The following SLIT1 variants were observed in gnomAD, a reference collection of about 807,000 sequenced individuals.
SLIT1 encodes the protein slit guidance ligand 1.
SLIT1 carries 66 observed loss-of-function variants against 186.1 expected under a neutral mutation model. The ratio of observed to expected loss-of-function variants is 0.35; its 90% CI spans 0.29 to 0.44. The LOEUF is 0.44. SLIT1 is among the 20% of genes least tolerant of loss of function. SLIT1 has a pLI of 1.00. For missense variants in SLIT1, 1,638 were observed against 2,037.4 expected (o/e 0.80, Z 3.77); for synonymous variants, 761 against 833.8 (o/e 0.91, Z 1.50).
At chr10:97,063,718 G>T in intron 7 of SLIT1, 100 bp from the exon 8 acceptor site, 1 of 1,301,026 alleles carries the variant, frequency 7.7e-7, no homozygotes, top group Non-Finnish European at 1.0e-6. Flanking sequence ...CCGGTGCTGT[G>T]TTCAAGCCAA....
In SLIT1 at chr10:97,095,134, T is replaced by G. The variant is rs538575267; in HGVS notation, c.414-29048A>C. Among the ~76,000 whole-genome samples, 6 of 152,198 alleles carry G rather than the reference T, an allele frequency of 3.9e-5. No homozygotes were observed. In the East Asian group the frequency reaches 1.2e-3, roughly 29 times the overall value. ...CCCGTCTCTACTGAAAATACAAAAG[T>G]TAGTCAGGCATGGTAGTGGGCACCT... is the stretch of plus-strand genomic sequence containing the variant. On this transcript the variant is annotated intron_variant, in intron 4 of 36. Transcript: ENST00000266058.
At chr10:97,162,671 C>T (rs1257703191) in intron 3 of SLIT1, among the ~76,000 whole-genome samples, 1 of 152,024 alleles carries the variant, frequency 6.6e-6, no homozygotes, top group East Asian at 1.9e-4. Flanking sequence ...TTAGCCATGT[C>T]TCTGATTATT....
At chr10:97,059,612 G>T in intron 10 of SLIT1, 81 bp from the exon 11 acceptor site, 1 of 1,001,230 alleles carries the variant, frequency 1.0e-6, no homozygotes, top group Non-Finnish European at 1.6e-6. Context: ...CCACCTCCTA[G>T]ATGTCACAGG....
In SLIT1 at chr10:97,022,403, ATTAAATGCCACC is replaced by A. The variant is rs1848509755; in HGVS notation, c.2583-1002_2583-991del. Among the ~76,000 whole-genome samples, 1 of 151,850 alleles carries A rather than the reference ATTAAATGCCACC, an allele frequency of 6.6e-6. No homozygotes were observed. Among genetic ancestry groups the A allele is most frequent in the Admixed American group, 6.6e-5 (1 of 15,260 alleles). On this transcript the variant is annotated intron_variant, in intron 25 of 36. Coordinates refer to ENST00000266058, the MANE Select transcript of SLIT1 (RefSeq NM_003061.3). This position sits in a 1 kb window ranked among gnomAD's most constrained non-coding sequence, Gnocchi z 4.2. The stretch of plus-strand genomic sequence containing the variant: ...TCTGCCCTGCACAACACTGTGAATG[ATTAAATGCCACC>A]GAGTTGCACACTTTTTAAAAAATGC...
intron 4 of SLIT1, among the ~76,000 whole-genome samples, chr10:97,145,328 GGATGGTCTC>G (rs1246688649): frequency 6.6e-6 from 1 of 152,016 alleles, no homozygotes; most frequent in Non-Finnish European, 1.5e-5. Context: ...CTGTTGGCCG[GGATGGTCTC>G]GAACTCCTGA....
intron 10 of SLIT1, 27 bp from the exon 11 acceptor site, chr10:97,059,558 G>A (rs749982487): frequency 6.3e-7 from 1 of 1,591,276 alleles, no homozygotes; most frequent in East Asian, 2.2e-5. Context: ...AGGAGAGGGG[G>A]CATCTGAATC....
chr10:97,117,048 C>G (rs1349727748), intron 4 of SLIT1, among the ~76,000 whole-genome samples: 1 of 152,206 alleles, frequency 6.6e-6, no homozygotes, highest in African/African-American at 2.4e-5. Context: ...CCCTCCCCAT[C>G]CCTAACTACA....
chr10:97,087,098 T>C (rs1849168594), intron 4 of SLIT1, among the ~76,000 whole-genome samples: 1 of 78,448 alleles, frequency 1.3e-5, no homozygotes, highest in Non-Finnish European at 3.6e-5. Flanking sequence ...ATTAAAACAA[T>C]TAAAAAAAAA....
At chr10:97,018,787 G>A (rs1266460171) in intron 27 of SLIT1, 104 bp from the exon 28 acceptor site, 1 of 720,546 alleles carries the variant, frequency 1.4e-6, no homozygotes, top group Non-Finnish European at 2.4e-6. Context: ...TGTCCCAGGA[G>A]TTACTTGTTT....
chr10:97,151,352 G>A (rs1283597637), intron 4 of SLIT1, among the ~76,000 whole-genome samples: 1 of 151,054 alleles, frequency 6.6e-6, no homozygotes. Flanking sequence ...AGATGCGTAC[G>A]TGGGAGGGGG....
chr10:97,053,123 G>T (rs1449562613), intron 13 of SLIT1, among the ~76,000 whole-genome samples: 1 of 152,126 alleles, frequency 6.6e-6, no homozygotes, highest in Non-Finnish European at 1.5e-5. Flanking sequence ...GGATGATAAA[G>T]CACCTACCTT....
At chr10:97,002,130 AG>A in intron 36 of SLIT1, 27 bp downstream of exon 36, 1 of 1,383,068 alleles carries the variant, frequency 7.2e-7, no homozygotes, top group Non-Finnish European at 9.5e-7. Context: ...GACCCTGGGG[AG>A]GGCACGTCAG....
At chr10:97,084,876 G>A (rs1849141512) in intron 4 of SLIT1, among the ~76,000 whole-genome samples, 1 of 150,788 alleles carries the variant, frequency 6.6e-6, no homozygotes, top group African/African-American at 2.4e-5. Flanking sequence ...CAAAGTGCTA[G>A]GACTATAGGC....
At chr10:97,081,473 C>T (rs1849104662) in intron 4 of SLIT1, among the ~76,000 whole-genome samples, 1 of 152,150 alleles carries the variant, frequency 6.6e-6, no homozygotes, top group African/African-American at 2.4e-5. Context: ...CACTTCTCTA[C>T]CAAAAAGACC....
At position 97,047,972 on chromosome 10, in the gene SLIT1, C is replaced by T; in HGVS notation, c.1489+1G>A. The T allele has an allele frequency of 6.2e-7, 1 of 1,614,158 alleles. No individual in the cohort carries two copies. The highest frequency in any genetic ancestry group is 8.5e-7 in the Non-Finnish European group (1 of 1,179,998). Reference sequence around the variant, plus strand: ...GGCCTTGGATCCCCCCACTCTCCTACCTGGAATGAAGTACTGCTCTTTGGC... The same window carrying T: ...GGCCTTGGATCCCCCCACTCTCCTATCTGGAATGAAGTACTGCTCTTTGGC... On this transcript the variant is annotated splice_donor_variant, in intron 15 of 36. Transcript: ENST00000266058. LOFTEE classifies it high-confidence loss of function.
chr10:97,050,059 A>G (rs1442525928), intron 13 of SLIT1, among the ~76,000 whole-genome samples: 1 of 152,166 alleles, frequency 6.6e-6, no homozygotes, highest in Non-Finnish European at 1.5e-5. Flanking sequence ...GGCTCTGGAG[A>G]ATCGCTTGAA....
chr10:97,029,431 A>C (rs1848572881), intron 25 of SLIT1, among the ~76,000 whole-genome samples: 1 of 152,184 alleles, frequency 6.6e-6, no homozygotes, highest in Non-Finnish European at 1.5e-5. Flanking sequence ...TGGGGCTGAC[A>C]GCAAAAGGAG....
chr10:97,168,384 T>C (rs1469075150), intron 1 of SLIT1, among the ~76,000 whole-genome samples: 1 of 152,210 alleles, frequency 6.6e-6, no homozygotes, highest in Non-Finnish European at 1.5e-5. Flanking sequence ...TTCTGAAATA[T>C]TTGCCCTCAA....
chr10:97,012,492 C>T (rs937318893), intron 30 of SLIT1, among the ~76,000 whole-genome samples: 5 of 152,212 alleles, frequency 3.3e-5, no homozygotes, highest in East Asian at 1.9e-4. Flanking sequence ...GCCACAACCC[C>T]GGGTCCGGAG....
Sources: gnomAD v4.1 joint callset for allele counts (sites outside exome capture counted in the v4.1 genomes callset) on GRCh38, gnomAD v4.1.1 for gene constraint, Gnocchi (gnomAD v3.1) non-coding constraint, MANE v1.5 for transcripts, NCBI Gene and HGNC (gene_info 2026-07-23, HGNC 2026-07-21) for gene names.